Variants in CALN1 observed in about 807,000 individuals in gnomAD.
CALN1 encodes calcium-binding protein 8.
CALN1 carries 17 observed loss-of-function variants against 30.6 expected under a neutral mutation model. The ratio of observed to expected loss-of-function variants is 0.56; its 90% CI spans 0.38 to 0.83. The LOEUF (loss-of-function observed/expected upper bound fraction) is 0.83. Ranked by LOEUF, CALN1 falls within the 40% of genes least tolerant of loss-of-function variation. CALN1 has a pLI of 0.00. For missense variants in CALN1, 291 were observed against 354.9 expected, an observed-to-expected ratio of 0.82 and a Z score of 1.45; for synonymous variants, 156 against 131.4, an observed-to-expected ratio of 1.19 and a Z score of -1.28.
At chr7:72,443,461 C>T (rs753390325) in intron 1 of CALN1, among the ~76,000 whole-genome samples, 2 of 152,168 alleles carry the variant, frequency 1.3e-5, no homozygotes, top group East Asian at 1.9e-4. Flanking sequence ...GTCTCCTCTC[C>T]GGCTTCTTCT....
At chr7:72,246,271 A>T (rs1278641401) in intron 3 of CALN1, among the ~76,000 whole-genome samples, 2 of 152,238 alleles carry the variant, frequency 1.3e-5, no homozygotes, top group East Asian at 3.9e-4. Flanking sequence ...GCAGAGGATA[A>T]AAGCTCTCAT....
At chr7:71,913,136 G>C (rs571054616) in intron 5 of CALN1, among the ~76,000 whole-genome samples, 1 of 152,152 alleles carries the variant, frequency 6.6e-6, no homozygotes, top group Non-Finnish European at 1.5e-5. Context: ...GGGTTACCTC[G>C]TCCCATCTGG....
intron 2 of CALN1, among the ~76,000 whole-genome samples, chr7:72,314,155 A>T (rs1435916583): frequency 6.6e-6 from 1 of 152,142 alleles, no homozygotes; most frequent in African/African-American, 2.4e-5. Flanking sequence ...GAGCCAGTCT[A>T]TGCACAGAAT....
chr7:72,449,465 C>T (rs1209951555), upstream of CALN1, among the ~76,000 whole-genome samples: 1 of 152,186 alleles, frequency 6.6e-6, no homozygotes, highest in Non-Finnish European at 1.5e-5. Context: ...TCAGCAAAAT[C>T]CCTGAGCTTT....
intron 3 of CALN1, among the ~76,000 whole-genome samples, chr7:72,201,560 G>A (rs922378048): frequency 6.6e-6 from 1 of 151,442 alleles, no homozygotes; most frequent in Non-Finnish European, 1.5e-5. Flanking sequence ...CACTCCAGCC[G>A]GGATGACAGA....
At chr7:72,160,789 C>T (rs942207192) in intron 3 of CALN1, among the ~76,000 whole-genome samples, 6 of 152,160 alleles carry the variant, frequency 3.9e-5, no homozygotes, top group South Asian at 2.1e-4. Flanking sequence ...GGGAGGGGCA[C>T]GCCGCTGATG....
chr7:72,501,178 G>A, the CALN1 span, among the ~76,000 whole-genome samples: 1 of 151,740 alleles, frequency 6.6e-6, no homozygotes, highest in East Asian at 1.9e-4. Flanking sequence ...AATAAGTTGG[G>A]GTAACAAGTG....
At chr7:71,865,785 G>A (rs921059922) in intron 5 of CALN1, among the ~76,000 whole-genome samples, 1 of 151,968 alleles carries the variant, frequency 6.6e-6, no homozygotes, top group Non-Finnish European at 1.5e-5. Context: ...TATACATTTG[G>A]ATTTGTGCAT....
Position 72,239,769 on chromosome 7 carries a change from C to A in CALN1, c.244+38917G>T, listed in dbSNP as rs150648309. Among the ~76,000 whole-genome samples, 1,451 of 152,222 alleles carry A rather than the reference C, an allele frequency of 9.5e-3. 12 individuals are homozygous for A. Among genetic ancestry groups the A allele is most frequent in the Admixed American group, 0.011 (169 of 15,286 alleles). On this transcript the variant is annotated intron_variant, in intron 3 of 6. Transcript: ENST00000395275. ...GGTAGCTCCTACATGTGCCCTCGAT[C>A]CCAACAGGGTTCAGAAGAGAGAATG...
At chr7:72,308,395 GAGAGAGAGAGGAAAGAA>G (rs1055610324) in intron 2 of CALN1, among the ~76,000 whole-genome samples, 1 of 132,492 alleles carries the variant, frequency 7.5e-6, no homozygotes, top group African/African-American at 2.7e-5. Context: ...GAGAGAGAGA[GAGAGAGAGAGGAAAGAA>G]AGGAAAGAAA....
At chr7:71,911,062 C>T (rs973709409) in intron 5 of CALN1, among the ~76,000 whole-genome samples, 1 of 152,084 alleles carries the variant, frequency 6.6e-6, no homozygotes, top group East Asian at 1.9e-4. Flanking sequence ...TTCAACAAAC[C>T]CCCAAATTCA....
intron 2 of CALN1, among the ~76,000 whole-genome samples, chr7:72,358,678 C>T (rs1440986147): frequency 3.9e-5 from 6 of 152,082 alleles, no homozygotes; most frequent in African/African-American, 9.7e-5. Flanking sequence ...CGGCCAGGCG[C>T]GGTGGCTCAC....
intron 3 of CALN1, among the ~76,000 whole-genome samples, chr7:72,220,034 A>AT (rs1026508850): frequency 3.3e-5 from 5 of 151,710 alleles, no homozygotes; most frequent in African/African-American, 4.8e-5. Flanking sequence ...TTTTTTTATA[A>AT]TTTTTTTTGT....
At chr7:71,986,652 A>T (rs993393708) in intron 5 of CALN1, among the ~76,000 whole-genome samples, 1 of 152,238 alleles carries the variant, frequency 6.6e-6, no homozygotes, top group Admixed American at 6.5e-5. Flanking sequence ...GAAAAAGAGA[A>T]GAACTTAAAA....
intron 2 of CALN1, among the ~76,000 whole-genome samples, chr7:72,328,090 T>G (rs1801406352): frequency 6.6e-6 from 1 of 151,210 alleles, no homozygotes; most frequent in African/African-American, 2.5e-5. Flanking sequence ...ATGTAACATT[T>G]CTGTATAGCT....
intron 2 of CALN1, among the ~76,000 whole-genome samples, chr7:72,347,493 C>A (rs1163150484): frequency 2.6e-5 from 4 of 151,908 alleles, no homozygotes; most frequent in Non-Finnish European, 2.9e-5. Flanking sequence ...CTCCAACTCC[C>A]GACCTCAGGT....
chr7:72,159,271 T>C (rs572539919), intron 3 of CALN1, among the ~76,000 whole-genome samples: 25 of 152,324 alleles, frequency 1.6e-4, no homozygotes, highest in African/African-American at 5.8e-4. Context: ...TGTGCAATGC[T>C]AGGACACTTG....
chr7:71,969,899 A>G (rs1797713067), intron 5 of CALN1, among the ~76,000 whole-genome samples: 1 of 150,882 alleles, frequency 6.6e-6, no homozygotes, highest in Non-Finnish European at 1.5e-5. Flanking sequence ...ATCTTGGCTC[A>G]CTGCAACCTC....
chr7:71,845,854 G>A (rs932318400), intron 5 of CALN1, among the ~76,000 whole-genome samples: 2 of 152,106 alleles, frequency 1.3e-5, no homozygotes, highest in Non-Finnish European at 2.9e-5. Context: ...AGGAGTTTGA[G>A]ACCAGCTTGG....
Sources: allele counts gnomAD v4.1 joint callset (sites outside exome capture counted in the v4.1 genomes callset), GRCh38; gene constraint gnomAD v4.1.1; transcripts MANE v1.5; gene names NCBI Gene and HGNC (gene_info 2026-07-23, HGNC 2026-07-21).